EXD3: variants seen among roughly 807,000 people sequenced by gnomAD.
EXD3 encodes exonuclease mut-7 homolog.
EXD3 carries 92 observed loss-of-function variants against 98.0 expected under a neutral mutation model. The ratio of observed to expected loss-of-function variants is 0.94; its 90% CI spans 0.79 to 1.12. The LOEUF (loss-of-function observed/expected upper bound fraction) is 1.12, where lower values mean the gene tolerates loss of function less well. Ranked by LOEUF, EXD3 falls within the 50% of genes most tolerant of loss-of-function variation. The pLI, the probability that EXD3 is intolerant of heterozygous loss-of-function variation, is 0.00. For synonymous variants in EXD3, 569 were observed against 526.0 expected (o/e 1.08, Z -1.12); for missense variants, 1,222 against 1,191.6 (o/e 1.03, Z -0.38).
chr9:137,322,049 C>T (rs1037775258), intron 19 of EXD3, among the ~76,000 whole-genome samples: 6 of 152,110 alleles, frequency 3.9e-5, no homozygotes, highest in Non-Finnish European at 5.9e-5. Flanking sequence ...GCTTTGGTGC[C>T]CCCACCAGCC....
At chr9:137,384,501 C>T (rs555610141) in intron 2 of EXD3, among the ~76,000 whole-genome samples, 20 of 152,326 alleles carry the variant, frequency 1.3e-4, no homozygotes, top group Non-Finnish European at 2.5e-4. Flanking sequence ...CATGGGCGAG[C>T]GTGAGACGTG....
rs1017144748 is a variant in EXD3, at chr9:137,371,420, C to T, written c.462+1485G>A. 5.3e-5 allele frequency among the ~76,000 whole-genome samples: 8 copies of T among 152,068 alleles called. No homozygotes were observed. The highest frequency in any genetic ancestry group is 4.6e-4 in the Admixed American group (7 of 15,288). On this transcript the variant is annotated intron_variant, in intron 5 of 21. Coordinates refer to ENST00000340951, the MANE Select transcript of EXD3 (RefSeq NM_017820.5). The surrounding 1 kb of genome is among the most constrained non-coding windows in gnomAD (Gnocchi z 8.0). Reference sequence around the variant, plus strand: ...CACAGGGGACACTCCTGTGAGGGCCCGGCCAGGGCAGCCCCCGATGCCCGT... The same window carrying T: ...CACAGGGGACACTCCTGTGAGGGCCTGGCCAGGGCAGCCCCCGATGCCCGT...
At chr9:137,317,982 G>A (rs1301201068) in intron 19 of EXD3, among the ~76,000 whole-genome samples, 1 of 152,112 alleles carries the variant, frequency 6.6e-6, no homozygotes, top group Non-Finnish European at 1.5e-5. Flanking sequence ...GAGCCTGGGA[G>A]GGGTGGGGTC....
Position 137,345,254 on chromosome 9 carries a change from TA to T in EXD3, c.1998+2816del, listed in dbSNP as rs1833858153. The stretch of plus-strand genomic sequence containing the variant: ...CCTTTTCCTTTTTAAAAAATGTTTG[TA>T]AATTTATTAGTAATGCTCCTTTTGA... On this transcript the variant is annotated intron_variant, in intron 17 of 21. Coordinates refer to ENST00000340951, the MANE Select transcript of EXD3 (RefSeq NM_017820.5). 2.0e-5 allele frequency among the ~76,000 whole-genome samples: 3 copies of T among 152,270 alleles called. No individual in the cohort carries two copies. The South Asian group carries it at 6.2e-4, about 32-fold the overall frequency.
Position 137,349,002 on chromosome 9 carries a change from C to T in EXD3, c.1830+108G>A. ...CTCGCTCCAGGAGCTGGGCCCCCTC[C>T]ACACGCTCTGACCCAGTGGCCTTGT... On this transcript the variant is annotated intron_variant, in intron 16 of 21. Transcript: ENST00000340951. This position sits in a 1 kb window ranked among gnomAD's most constrained non-coding sequence, Gnocchi z 7.4. 1 of 1,327,380 alleles carries T rather than the reference C, an allele frequency of 7.5e-7. No homozygotes were observed. Among genetic ancestry groups the T allele is most frequent in the Non-Finnish European group, 1.0e-6 (1 of 996,008 alleles). 82.2% of individuals were successfully genotyped at this position (1,327,380 alleles called of 1,614,324 possible). A position where few individuals can be genotyped will look rare whatever the true frequency, so the allele number is the denominator to read the frequency against.
chr9:137,388,006 T>C (rs1317021664), intron 2 of EXD3, among the ~76,000 whole-genome samples: 1 of 152,216 alleles, frequency 6.6e-6, no homozygotes, highest in Non-Finnish European at 1.5e-5. Context: ...CCCTGGACCC[T>C]GCCCCTTGGA....
At chr9:137,331,790 C>G (rs1833075307) in intron 17 of EXD3, among the ~76,000 whole-genome samples, 1 of 152,120 alleles carries the variant, frequency 6.6e-6, no homozygotes, top group Non-Finnish European at 1.5e-5. Flanking sequence ...GTGGTGCACG[C>G]CTGTAGTCCC....
intron 6 of EXD3, 39 bp from the exon 7 acceptor site, chr9:137,366,671 C>T: frequency 1.3e-6 from 2 of 1,534,816 alleles, no homozygotes. Flanking sequence ...GCCTCCGCCA[C>T]CTCAGCCAAA....
At chr9:137,311,811 G>A (rs952508370) in intron 19 of EXD3, among the ~76,000 whole-genome samples, 38 of 152,216 alleles carry the variant, frequency 2.5e-4, no homozygotes, top group African/African-American at 8.9e-4. Context: ...CCACTCCAGG[G>A]CTGGCAGCCC....
chr9:137,342,713 C>T (rs555835014), intron 17 of EXD3, among the ~76,000 whole-genome samples: 1 of 152,314 alleles, frequency 6.6e-6, no homozygotes, highest in African/African-American at 2.4e-5. Flanking sequence ...CAGCCGAGTT[C>T]CCAGCCTTGC....
Position 137,351,119 on chromosome 9 carries a change from T to C in EXD3, c.1413A>G (p.Lys471=). ...CCAGGGCGGGGCAGGACGTGCCCAG[T>C]TTTTGCAGGTCCCCCACCATCCCGT... The part of the protein sequence containing the change: ...LGYGMVGDLQ[K]LGTSCPALAH... The change falls in exon 14 of 22, where the codon AAA becomes AAG. Residue 471 remains lysine (K), a synonymous_variant. Coordinates refer to ENST00000340951, the MANE Select transcript of EXD3 (RefSeq NM_017820.5). 1 of 1,582,170 alleles carries C rather than the reference T, an allele frequency of 6.3e-7. No homozygotes were observed. Among genetic ancestry groups the C allele is most frequent in the Non-Finnish European group, 8.6e-7 (1 of 1,165,002 alleles).
At chr9:137,367,370 C>T (rs762369541) in intron 6 of EXD3, among the ~76,000 whole-genome samples, 1 of 152,156 alleles carries the variant, frequency 6.6e-6, no homozygotes, top group Non-Finnish European at 1.5e-5. Flanking sequence ...GACCAGGATG[C>T]GTCCCGTCCC....
At chr9:137,311,918 G>A (rs143646077) in intron 19 of EXD3, among the ~76,000 whole-genome samples, 134 of 152,268 alleles carry the variant, frequency 8.8e-4, no homozygotes, top group African/African-American at 2.9e-3. Context: ...GACAGCGATC[G>A]TCCACCTGAG....
At chr9:137,352,417 C>T (rs774195950) in intron 11 of EXD3, among the ~76,000 whole-genome samples, 6 of 152,204 alleles carry the variant, frequency 3.9e-5, no homozygotes, top group African/African-American at 1.2e-4. Flanking sequence ...CCTCATGGGT[C>T]GGGCTGGCCA....
In EXD3 at chr9:137,359,265, G is replaced by A. The variant is rs1426889719; in HGVS notation, c.657-2897C>T. On this transcript the variant is annotated intron_variant, in intron 7 of 21. Coordinates refer to ENST00000340951, the MANE Select transcript of EXD3 (RefSeq NM_017820.5). ...ATTACAGGCGTGAGCCACCGTGCCC[G>A]GCCAAGGCCTACTTTTTAAGATAAA... Among the ~76,000 whole-genome samples, 3 of 82,718 alleles carry A rather than the reference G, an allele frequency of 3.6e-5. 1 individual carries two copies. Among genetic ancestry groups the A allele is most frequent in the Non-Finnish European group, 5.9e-5 (2 of 33,838 alleles). The allele number at this position is 82,718 out of a possible 152,430, so 54.3% of individuals were successfully genotyped here. A position where few individuals can be genotyped will look rare whatever the true frequency, so the allele number is the denominator to read the frequency against.
chr9:137,363,104 C>A (rs912173731), intron 7 of EXD3, among the ~76,000 whole-genome samples: 9 of 151,988 alleles, frequency 5.9e-5, no homozygotes, highest in Non-Finnish European at 8.8e-5. Context: ...AGTCACCACA[C>A]CCAGCCCTCT....
chr9:137,375,750 G>A (rs1835868980), intron 3 of EXD3, among the ~76,000 whole-genome samples: 1 of 152,162 alleles, frequency 6.6e-6, no homozygotes, highest in East Asian at 1.9e-4. Context: ...TAGTTAAGTT[G>A]GCAGAAACAA....
chr9:137,398,672 C>T (rs554742836), intron 1 of EXD3, among the ~76,000 whole-genome samples: 128 of 148,658 alleles, frequency 8.6e-4, no homozygotes, highest in African/African-American at 3.0e-3. Context: ...CGACCGCGTC[C>T]CCAAGACACA....
chr9:137,384,498 G>A (rs1017287003), intron 2 of EXD3, among the ~76,000 whole-genome samples: 1 of 152,234 alleles, frequency 6.6e-6, no homozygotes, highest in Admixed American at 6.5e-5. Flanking sequence ...AGCCATGGGC[G>A]AGCGTGAGAC....
Sources: allele counts gnomAD v4.1 joint callset (sites outside exome capture counted in the v4.1 genomes callset), GRCh38; gene constraint gnomAD v4.1.1; non-coding constraint Gnocchi (gnomAD v3.1); transcripts MANE v1.5; gene names NCBI Gene and HGNC (gene_info 2026-07-23, HGNC 2026-07-21).